YARS2: variants seen among roughly 807,000 people sequenced by gnomAD.
YARS2 encodes tyrosyl-tRNA synthetase 2.
A neutral mutation model predicts 45.0 loss-of-function variants in YARS2; 38 were observed. That is an observed-to-expected ratio of 0.84 (90% CI 0.65 to 1.11). The LOEUF (loss-of-function observed/expected upper bound fraction) is 1.11. Among genes scored for constraint, YARS2 ranks in the 50% least tolerant of loss-of-function variants. The probability of loss-of-function intolerance (pLI) is 0.00; values close to 1 mark genes in which losing one functional copy is unlikely to be tolerated. For missense variants in YARS2, 602 were observed against 599.8 expected (o/e 1.00, Z -0.04); for synonymous variants, 287 against 245.1 (o/e 1.17, Z -1.60).
intron 4 of YARS2, 74 bp from the exon 5 acceptor site, chr12:32,747,437 AC>A: frequency 1.3e-6 from 2 of 1,516,126 alleles, no homozygotes; most frequent in Non-Finnish European, 1.8e-6. Context: ...AGACTGTTTC[AC>A]TTAGATTTCA....
chr12:32,749,953 G>A lies in YARS2; in HGVS notation c.1258C>T (p.Pro420Ser), dbSNP rs1484073541. The stretch of plus-strand genomic sequence containing the variant: ...TAATCTTACCCTCGGGGACCATCTG[G>A]AATGGCATTTGCTTTGCGGCAAGTA... ...LDTCRKANAI[P>S]DGPRGYRMIT... Residue 420 changes from proline to serine, a missense_variant, in exon 4 of 5, where the codon CCA becomes TCA. Pro to Ser is a moderately conservative substitution (Grantham distance 74). Coordinates refer to ENST00000324868, the MANE Select transcript of YARS2 (RefSeq NM_001040436.3). The A allele has an allele frequency of 6.2e-7, 1 of 1,614,078 alleles. No individual in the cohort carries two copies. Among genetic ancestry groups the A allele is most frequent in the East Asian group, 2.2e-5 (1 of 44,864 alleles).
At position 32,749,939 on chromosome 12, in the gene YARS2, T is replaced by G. The variant is rs566228598; in HGVS notation, c.1272A>C (p.Arg424=). 8.7e-6 allele frequency: 14 copies of G among 1,614,046 alleles called. No homozygotes were observed. Among genetic ancestry groups the G allele is most frequent in the Non-Finnish European group, 1.2e-5 (14 of 1,179,988 alleles). The change falls in exon 4 of 5, where the codon CGA becomes CGC. Residue 424 remains arginine, a splice_region_variant and synonymous_variant. Transcript: ENST00000324868. The stretch of plus-strand genomic sequence containing the variant: ...ATCTAAAAGTTAAATAATCTTACCC[T>G]CGGGGACCATCTGGAATGGCATTTG... ...RKANAIPDGP[R]GYRMITEGGV...
chr12:32,747,372 T>C lies in YARS2; in HGVS notation c.1275-9A>G, dbSNP rs1330637389. 16 of 1,613,142 alleles carry C rather than the reference T, an allele frequency of 9.9e-6. No homozygotes were observed. The highest frequency in any genetic ancestry group is 2.2e-5 in the South Asian group (2 of 91,088). Reference sequence around the variant, plus strand: ...CTGTTATCATTCGATACCTAAAAAATAGAAACGTTTAGTAAGTAGAGAGAT... The same window carrying C: ...CTGTTATCATTCGATACCTAAAAAACAGAAACGTTTAGTAAGTAGAGAGAT... On this transcript the variant is annotated splice_polypyrimidine_tract_variant and intron_variant, in intron 4 of 4. Coordinates refer to ENST00000324868, the MANE Select transcript of YARS2 (RefSeq NM_001040436.3).
At chr12:32,751,961 ATACT>A (rs1955753013) in intron 2 of YARS2, among the ~76,000 whole-genome samples, 1 of 152,208 alleles carries the variant, frequency 6.6e-6, no homozygotes, top group Non-Finnish European at 1.5e-5. Context: ...ACGTATACAA[ATACT>A]TACCCTCGCG....
In YARS2 at chr12:32,749,404, A is replaced by G. The variant is rs144109119; in HGVS notation, c.1274+533T>C. On this transcript the variant is annotated intron_variant, in intron 4 of 4. Transcript: ENST00000324868. ...GGAGGAAAGACTGACTGGGTTAGATATAATAAGAGACAGTATAGGAGTACT... is the reference window on the plus strand; with the variant it reads ...GGAGGAAAGACTGACTGGGTTAGATGTAATAAGAGACAGTATAGGAGTACT... Among the ~76,000 whole-genome samples, 40 of 152,320 alleles carry G rather than the reference A, an allele frequency of 2.6e-4. No individual in the cohort carries two copies. In the East Asian group the frequency reaches 5.4e-3, roughly 21 times the overall value.
rs1049274174 is a variant in YARS2, at chr12:32,750,802, T to G, written c.1020A>C (p.Pro340=). The stretch of plus-strand genomic sequence containing the variant: ...GTCGTTTCTGAGGACCCCGCCTTTC[T>G]GGCTCTTTGACATGCAGCTGCATGA... ...DHIMQLHVKE[P]ERRGPQKRLA... The change falls in exon 3 of 5, where the codon CCA becomes CCC. Residue 340 remains proline, a synonymous_variant. Transcript: ENST00000324868. The G allele has an allele frequency of 1.2e-6, 2 of 1,614,196 alleles. No homozygotes were observed. Among genetic ancestry groups the G allele is most frequent in the East Asian group, 4.5e-5 (2 of 44,868 alleles).
At chr12:32,748,329 C>T (rs1955679999) in intron 4 of YARS2, among the ~76,000 whole-genome samples, 1 of 152,056 alleles carries the variant, frequency 6.6e-6, no homozygotes, top group Non-Finnish European at 1.5e-5. Flanking sequence ...TTTTATAAAA[C>T]TCATCAGTAA....
chr12:32,749,741 C>T (rs546855660), intron 4 of YARS2, among the ~76,000 whole-genome samples, 196 bp downstream of exon 4: 2 of 150,832 alleles, frequency 1.3e-5, no homozygotes, highest in Non-Finnish European at 2.9e-5. Context: ...CCACCATGCC[C>T]GGCTAATTTG....
At chr12:32,748,771 A>C (rs535921447) in intron 4 of YARS2, among the ~76,000 whole-genome samples, 9 of 152,212 alleles carry the variant, frequency 5.9e-5, no homozygotes, top group Admixed American at 2.6e-4. Flanking sequence ...ACTCTTTAGG[A>C]CACAGGCAAA....
At position 32,755,258 on chromosome 12, in the gene YARS2, A is replaced by G; in HGVS notation, c.617T>C (p.Leu206Pro). 6.2e-7 allele frequency: 1 copy of G among 1,614,124 alleles called. No individual in the cohort carries two copies. Among genetic ancestry groups the G allele is most frequent in the Non-Finnish European group, 8.5e-7 (1 of 1,180,050 alleles). Residue 206 changes from leucine to proline, a missense_variant, in exon 1 of 5, where the codon CTG (leucine) becomes CCG (proline). By Grantham distance (98) the Leu-to-Pro change is moderately conservative (BLOSUM62 -3). Transcript: ENST00000324868. Reference sequence around the variant, plus strand: ...CATGCCCTCGGGGCTCTTGAGCCGCAGCTGCACGCTCTGCCGGCTCAGCAG... The same window carrying G: ...CATGCCCTCGGGGCTCTTGAGCCGCGGCTGCACGCTCTGCCGGCTCAGCAG... ...GTLLSRQSVQ[L>P]RLKSPEGMSL...
At chr12:32,747,791 C>T (rs1955671390) in intron 4 of YARS2, among the ~76,000 whole-genome samples, 1 of 152,178 alleles carries the variant, frequency 6.6e-6, no homozygotes, top group African/African-American at 2.4e-5. Context: ...CTGCCTTGGC[C>T]TCCCAAAGTG....
Position 32,746,984 on chromosome 12 carries a change from T to C in YARS2, c.*220A>G. ...TAACCCTGAAAATCATGGTTTTCTATGGTAATCAAGCTTTGTACATCAGAA... is the reference window on the plus strand; with the variant it reads ...TAACCCTGAAAATCATGGTTTTCTACGGTAATCAAGCTTTGTACATCAGAA... On this transcript the variant is annotated 3_prime_UTR_variant, in exon 5 of 5. Coordinates refer to ENST00000324868, the MANE Select transcript of YARS2 (RefSeq NM_001040436.3). 5.9e-6 allele frequency: 3 copies of C among 511,892 alleles called. No individual in the cohort carries two copies. The highest frequency in any genetic ancestry group is 3.4e-6 in the Non-Finnish European group (1 of 290,352). 31.7% of individuals were successfully genotyped at this position (511,892 alleles called of 1,614,324 possible).
At chr12:32,753,726 T>C (rs1003578907) in intron 2 of YARS2, among the ~76,000 whole-genome samples, 192 bp downstream of exon 2, 1 of 152,236 alleles carries the variant, frequency 6.6e-6, no homozygotes, top group African/African-American at 2.4e-5. Context: ...CCCACTGTTT[T>C]TCTGCTTTAA....
chr12:32,746,562 A>G lies in YARS2; in HGVS notation c.*642T>C, dbSNP rs1367569937. On this transcript the variant is annotated 3_prime_UTR_variant, in exon 5 of 5. Transcript: ENST00000324868. ...TTTTTTTTGAGACAGAGTTTCACTC[A>G]CTACTCATGCTGTCTCCCAGGCTGG... is the stretch of plus-strand genomic sequence containing the variant. 7.2e-6 allele frequency: 1 copy of G among 139,202 alleles called. No individual in the cohort carries two copies. The highest frequency in any genetic ancestry group is 8.1e-5 in the Admixed American group (1 of 12,380). The allele number at this position is 139,202 out of a possible 1,614,324, so 8.6% of individuals were successfully genotyped here.
At position 32,746,972 on chromosome 12, in the gene YARS2, C is replaced by T. The variant is rs2137642615; in HGVS notation, c.*232G>A. 1 of 483,968 alleles carries T rather than the reference C, an allele frequency of 2.1e-6. No homozygotes were observed. The highest frequency in any genetic ancestry group is 3.8e-5 in the East Asian group (1 of 26,050). 30.0% of individuals were successfully genotyped at this position (483,968 alleles called of 1,614,324 possible). ...TTAAAAAGAGATTAACCCTGAAAATCATGGTTTTCTATGGTAATCAAGCTT... is the reference window on the plus strand; with the variant it reads ...TTAAAAAGAGATTAACCCTGAAAATTATGGTTTTCTATGGTAATCAAGCTT... On this transcript the variant is annotated 3_prime_UTR_variant, in exon 5 of 5. Transcript: ENST00000324868.
intron 2 of YARS2, among the ~76,000 whole-genome samples, chr12:32,753,454 T>C (rs1955787581): frequency 6.6e-6 from 1 of 152,250 alleles, no homozygotes; most frequent in Non-Finnish European, 1.5e-5. Flanking sequence ...AGCATCAAAA[T>C]ATTTTTTTCA....
intron 2 of YARS2, 40 bp from the exon 3 acceptor site, chr12:32,750,914 A>G (rs1395338614): frequency 6.2e-7 from 1 of 1,609,000 alleles, no homozygotes; most frequent in Admixed American, 1.7e-5. Flanking sequence ...TATATAACAT[A>G]CCTAATTTTT....
chr12:32,752,976 G>A (rs771562081), intron 2 of YARS2, among the ~76,000 whole-genome samples: 15 of 152,088 alleles, frequency 9.9e-5, no homozygotes, highest in Non-Finnish European at 1.5e-4. Context: ...ACAAAAAGCC[G>A]GTTTAGATAT....
chr12:32,753,701 T>C (rs1413538741), intron 2 of YARS2, among the ~76,000 whole-genome samples: 1 of 152,226 alleles, frequency 6.6e-6, no homozygotes, highest in Non-Finnish European at 1.5e-5. Context: ...AAGTTGGCTC[T>C]ACATTTTCTA....
Sources: gnomAD v4.1 joint callset for allele counts (sites outside exome capture counted in the v4.1 genomes callset) on GRCh38, gnomAD v4.1.1 for gene constraint, MANE v1.5 for transcripts, NCBI Gene and HGNC (gene_info 2026-07-23, HGNC 2026-07-21) for gene names.